Variants in PALLD observed in about 807,000 individuals in gnomAD.
The protein encoded by PALLD is palladin.
In PALLD, 61 loss-of-function variants were observed where a neutral mutation model predicts 123.5. That is an observed-to-expected ratio of 0.49 (90% CI 0.40 to 0.61). The LOEUF (loss-of-function observed/expected upper bound fraction) is 0.61. PALLD is among the 20% of genes least tolerant of loss of function. PALLD has a pLI of 0.00. For missense variants in PALLD, 1,273 were observed against 1,377.0 expected, an observed-to-expected ratio of 0.92 and a Z score of 1.20; for synonymous variants, 465 against 496.4, an observed-to-expected ratio of 0.94 and a Z score of 0.84.
At chr4:168,716,002 G>T (rs553365490) in intron 10 of PALLD, among the ~76,000 whole-genome samples, 1 of 152,020 alleles carries the variant, frequency 6.6e-6, no homozygotes, top group Non-Finnish European at 1.5e-5. Context: ...CTAGGAATAA[G>T]CTCTGAAGGG....
intron 11 of PALLD, among the ~76,000 whole-genome samples, chr4:168,892,192 G>A (rs1277076056): frequency 6.6e-6 from 1 of 152,044 alleles, no homozygotes; most frequent in African/African-American, 2.4e-5. Context: ...ATTTTAAGGG[G>A]ATGGGAAAAG....
At chr4:168,808,714 T>C (rs942829526) in intron 10 of PALLD, among the ~76,000 whole-genome samples, 3 of 152,214 alleles carry the variant, frequency 2.0e-5, no homozygotes, top group African/African-American at 7.2e-5. Context: ...ACATCTCACA[T>C]GGCTGCACTG....
intron 10 of PALLD, among the ~76,000 whole-genome samples, chr4:168,877,271 C>T (rs1326968628): frequency 6.6e-6 from 1 of 152,214 alleles, no homozygotes; most frequent in Non-Finnish European, 1.5e-5. Flanking sequence ...ATTGGACTAA[C>T]GTAAATCTGC....
chr4:168,675,219 G>A (rs537325032), intron 3 of PALLD, among the ~76,000 whole-genome samples: 6 of 152,284 alleles, frequency 3.9e-5, no homozygotes, highest in South Asian at 2.1e-4. Context: ...GGATTAAACC[G>A]GACCTTGTGG....
chr4:168,640,425 A>G (rs992253753), intron 2 of PALLD, among the ~76,000 whole-genome samples: 5 of 152,176 alleles, frequency 3.3e-5, no homozygotes, highest in African/African-American at 1.2e-4. Flanking sequence ...TGGCCCCTCA[A>G]AGCACTTCTC....
chr4:168,878,465 C>T (rs1325791157), intron 10 of PALLD: 7 of 1,179,356 alleles, frequency 5.9e-6, no homozygotes, highest in Non-Finnish European at 7.9e-6. Context: ...CCCACATCTC[C>T]ATACACGCGC....
intron 2 of PALLD, among the ~76,000 whole-genome samples, chr4:168,594,068 C>T (rs1410427355): frequency 6.6e-6 from 1 of 151,634 alleles, no homozygotes; most frequent in African/African-American, 2.4e-5. Context: ...TTGTCAGTCA[C>T]CATTAGGAAA....
At chr4:168,757,856 G>A (rs564446548) in intron 10 of PALLD, among the ~76,000 whole-genome samples, 235 of 152,316 alleles carry the variant, frequency 1.5e-3, no homozygotes, top group African/African-American at 5.3e-3. Context: ...AGGATCACCC[G>A]AGGTCAGGAG....
chr4:168,506,188 A>C (rs1363316559), intron 1 of PALLD: 3 of 152,218 alleles, frequency 2.0e-5, no homozygotes, highest in Non-Finnish European at 4.4e-5. Context: ...AATACATCAC[A>C]TCTAACTTCA....
intron 2 of PALLD, among the ~76,000 whole-genome samples, chr4:168,600,016 T>C (rs984769641): frequency 6.8e-6 from 1 of 147,666 alleles, no homozygotes; most frequent in Non-Finnish European, 1.5e-5. Flanking sequence ...TATACATACA[T>C]GTGTGTACAC....
chr4:168,664,460 A>T (rs540931174), intron 2 of PALLD, among the ~76,000 whole-genome samples: 3 of 151,786 alleles, frequency 2.0e-5, no homozygotes, highest in Non-Finnish European at 4.4e-5. Flanking sequence ...TGGCAAAATG[A>T]TTGGTGCTTG....
chr4:168,503,985 C>T (rs2149402331), intron 1 of PALLD, among the ~76,000 whole-genome samples: 1 of 152,322 alleles, frequency 6.6e-6, no homozygotes, highest in East Asian at 1.9e-4. Flanking sequence ...TCCCTTACTG[C>T]AATTTGTTGA....
intron 10 of PALLD, among the ~76,000 whole-genome samples, chr4:168,794,493 C>T (rs568209444): frequency 5.7e-5 from 8 of 139,512 alleles, no homozygotes; most frequent in East Asian, 5.0e-4. Flanking sequence ...CACACATGCA[C>T]GCACACACAC....
chr4:168,739,685 T>G (rs1788136354), intron 10 of PALLD, among the ~76,000 whole-genome samples: 3 of 152,172 alleles, frequency 2.0e-5, no homozygotes, highest in African/African-American at 7.2e-5. Context: ...CCCATTAATA[T>G]GTACAAACAC....
chr4:168,924,554 A>G, intron 19 of PALLD, 134 bp downstream of exon 19: 1 of 949,878 alleles, frequency 1.1e-6, no homozygotes, highest in South Asian at 1.4e-5. Context: ...AAATCAATCA[A>G]AGACAAAAAC....
At chr4:168,686,208 G>T (rs571536614) in intron 6 of PALLD, among the ~76,000 whole-genome samples, 5 of 152,030 alleles carry the variant, frequency 3.3e-5, no homozygotes, top group East Asian at 3.9e-4. Context: ...TTTTGTTTTG[G>T]TTTGGTTTGT....
At chr4:168,799,023 T>C (rs1738919586) in intron 10 of PALLD, among the ~76,000 whole-genome samples, 1 of 152,218 alleles carries the variant, frequency 6.6e-6, no homozygotes, top group Non-Finnish European at 1.5e-5. Flanking sequence ...CGGGGGTGCC[T>C]TGTGGTCAGA....
intron 17 of PALLD, among the ~76,000 whole-genome samples, chr4:168,917,444 C>T (rs751441172): frequency 2.0e-5 from 3 of 152,272 alleles, no homozygotes; most frequent in African/African-American, 7.2e-5. Flanking sequence ...TGTAAGATAA[C>T]GTTCATCCAT....
At chr4:168,738,119 T>G (rs1787942507) in intron 10 of PALLD, among the ~76,000 whole-genome samples, 1 of 152,104 alleles carries the variant, frequency 6.6e-6, no homozygotes, top group African/African-American at 2.4e-5. Flanking sequence ...CATTGATTTG[T>G]GGCCAGAAAC....
Sources: allele counts gnomAD v4.1 joint callset (sites outside exome capture counted in the v4.1 genomes callset), GRCh38; gene constraint gnomAD v4.1.1; transcripts MANE v1.5; gene names NCBI Gene and HGNC (gene_info 2026-07-23, HGNC 2026-07-21).